Variants in BNC2 observed in about 807,000 individuals in gnomAD.
The protein encoded by BNC2 is zinc finger protein basonuclin-2.
In BNC2, 20 loss-of-function variants were observed where a neutral mutation model predicts 76.3. The observed-to-expected ratio is 0.26, with a 90% CI of 0.18 to 0.38. BNC2 has a LOEUF of 0.38. Ranked by LOEUF, BNC2 falls within the 10% of genes least tolerant of loss-of-function variation. The pLI, the probability that BNC2 is intolerant of heterozygous loss-of-function variation, is 1.00. For missense variants in BNC2, 1,382 were observed against 1,399.8 expected (o/e 0.99, Z 0.20); for synonymous variants, 582 against 514.8 (o/e 1.13, Z -1.77).
At chr9:16,456,030 T>C (rs1359519429) in intron 5 of BNC2, among the ~76,000 whole-genome samples, 1 of 148,248 alleles carries the variant, frequency 6.7e-6, no homozygotes, top group East Asian at 2.0e-4. Context: ...GATCAACAGG[T>C]AGCTGATTTT....
chr9:16,848,972 G>A (rs1244444829), intron 1 of BNC2, among the ~76,000 whole-genome samples: 1 of 152,094 alleles, frequency 6.6e-6, no homozygotes, highest in East Asian at 1.9e-4. Context: ...TTTAGACTTA[G>A]GTCCTGTCCC....
chr9:16,742,930 G>A (rs1044091423), intron 1 of BNC2, among the ~76,000 whole-genome samples: 1 of 152,134 alleles, frequency 6.6e-6, no homozygotes, highest in Non-Finnish European at 1.5e-5. Context: ...CTCACTAACT[G>A]AATGGGGGAT....
intron 3 of BNC2, among the ~76,000 whole-genome samples, chr9:16,585,506 G>C (rs1291697154): frequency 1.3e-5 from 2 of 151,968 alleles, no homozygotes; most frequent in Admixed American, 6.6e-5. Context: ...GATTTATATA[G>C]ACTACAATTT....
rs565860072 is a variant in BNC2, at chr9:16,575,393, T to A, written c.433+7590A>T. ...CTTGCCAGCCTCACTTTATGTTCCATCTGAATAAAACATAGCTAGGAAAAA... is the reference window on the plus strand; with the variant it reads ...CTTGCCAGCCTCACTTTATGTTCCAACTGAATAAAACATAGCTAGGAAAAA... On this transcript the variant is annotated intron_variant, in intron 4 of 6. Transcript: ENST00000380672. The A allele has an allele frequency of 1.9e-5, 19 of 985,206 alleles. No individual in the cohort carries two copies. In the African/African-American group the frequency reaches 3.1e-4, roughly 16 times the overall value. 61.0% of individuals were successfully genotyped at this position (985,206 alleles called of 1,614,324 possible). A position where few individuals can be genotyped will look rare whatever the true frequency, so the allele number is the denominator to read the frequency against.
intron 3 of BNC2, among the ~76,000 whole-genome samples, chr9:16,713,307 G>A (rs1355877970): frequency 3.3e-5 from 5 of 152,058 alleles, no homozygotes; most frequent in African/African-American, 1.2e-4. Context: ...CTTTTATTTG[G>A]AGGTAGTTTC....
intron 1 of BNC2, among the ~76,000 whole-genome samples, chr9:16,784,496 T>G (rs1826230158): frequency 6.6e-6 from 1 of 152,134 alleles, no homozygotes; most frequent in Non-Finnish European, 1.5e-5. Flanking sequence ...ACAATATGGA[T>G]AGGACACAAT....
chr9:16,870,531 C>A (rs1438454675), intron 1 of BNC2, 115 bp downstream of exon 1: 3 of 1,258,912 alleles, frequency 2.4e-6, no homozygotes, highest in Non-Finnish European at 3.3e-6. Context: ...TTGCCCCTCA[C>A]GCCGCGGGCC....
chr9:16,858,394 G>A (rs952954734), intron 1 of BNC2, among the ~76,000 whole-genome samples: 1 of 152,130 alleles, frequency 6.6e-6, no homozygotes, highest in African/African-American at 2.4e-5. Flanking sequence ...CATATTTCTT[G>A]TCCCCTGGAG....
At chr9:16,604,106 G>T (rs181464506) in intron 3 of BNC2, among the ~76,000 whole-genome samples, 1 of 151,968 alleles carries the variant, frequency 6.6e-6, no homozygotes, top group Admixed American at 6.6e-5. Flanking sequence ...AATTCTCTTC[G>T]TATTGTTCTA....
intron 6 of BNC2, among the ~76,000 whole-genome samples, chr9:16,420,297 C>T (rs918412769): frequency 6.6e-6 from 1 of 152,086 alleles, no homozygotes; most frequent in African/African-American, 2.4e-5. Flanking sequence ...TTTAACAACA[C>T]GAATGCCTTT....
chr9:16,431,861 G>C (rs1820914462), intron 6 of BNC2, among the ~76,000 whole-genome samples: 1 of 152,150 alleles, frequency 6.6e-6, no homozygotes, highest in African/African-American at 2.4e-5. Flanking sequence ...AATAGGGTTT[G>C]CACTCCTGTG....
chr9:16,688,849 A>G (rs1823058540), intron 3 of BNC2, among the ~76,000 whole-genome samples: 1 of 152,192 alleles, frequency 6.6e-6, no homozygotes, highest in South Asian at 2.1e-4. Flanking sequence ...TGAAATCCCC[A>G]GGGCAAGTGG....
Position 16,837,143 on chromosome 9 carries a change from C to CA in BNC2, c.3+33502dup, listed in dbSNP as rs1207131776. 9.2e-5 allele frequency among the ~76,000 whole-genome samples: 14 copies of CA among 152,136 alleles called. No homozygotes were observed. In the South Asian group the frequency reaches 1.0e-3, roughly 11 times the overall value. On this transcript the variant is annotated intron_variant, in intron 1 of 6. Transcript: ENST00000380672. ...TGCTATCTTTTCATGTTTTTGAACC[C>CA]AAAAAATGGACCCACAACAAAGATC... is the stretch of plus-strand genomic sequence containing the variant.
At chr9:16,750,610 C>T (rs1825162120) in intron 1 of BNC2, among the ~76,000 whole-genome samples, 1 of 152,220 alleles carries the variant, frequency 6.6e-6, no homozygotes, top group South Asian at 2.1e-4. Flanking sequence ...CTAGAATCTG[C>T]CAGATTTCTA....
chr9:16,842,943 A>G (rs4246132), intron 1 of BNC2, among the ~76,000 whole-genome samples: 151,523 of 152,264 alleles, frequency 1, 75,400 homozygotes, highest in Middle Eastern at 1. Context: ...GTAGAGACGC[A>G]GTTTCGCCAT....
At chr9:16,865,763 G>A (rs1227501803) in intron 1 of BNC2, among the ~76,000 whole-genome samples, 3 of 152,082 alleles carry the variant, frequency 2.0e-5, no homozygotes, top group Non-Finnish European at 4.4e-5. Flanking sequence ...CTTAAAGAAT[G>A]ATATATCTGT....
At chr9:16,676,723 G>A (rs1197816348) in intron 3 of BNC2, among the ~76,000 whole-genome samples, 2 of 152,224 alleles carry the variant, frequency 1.3e-5, no homozygotes, top group Non-Finnish European at 2.9e-5. Flanking sequence ...AACCGCAGCA[G>A]CGGAATAAAG....
chr9:16,676,585 A>C (rs931192856), intron 3 of BNC2, among the ~76,000 whole-genome samples: 6 of 152,236 alleles, frequency 3.9e-5, no homozygotes, highest in Non-Finnish European at 8.8e-5. Context: ...ATTGAGAGAG[A>C]ATGCAGAAAT....
intron 3 of BNC2, among the ~76,000 whole-genome samples, chr9:16,586,781 C>G (rs1355316185): frequency 1.3e-5 from 2 of 152,136 alleles, no homozygotes; most frequent in Non-Finnish European, 2.9e-5. Flanking sequence ...TGGCAGTGTC[C>G]CTGTGATCAA....
Sources: allele counts gnomAD v4.1 joint callset (sites outside exome capture counted in the v4.1 genomes callset), GRCh38; gene constraint gnomAD v4.1.1; transcripts MANE v1.5; gene names NCBI Gene and HGNC (gene_info 2026-07-23, HGNC 2026-07-21).